The following ARHGAP28 variants were observed in gnomAD, a reference collection of about 807,000 sequenced individuals.
ARHGAP28 encodes the protein Rho GTPase activating protein 28.
In ARHGAP28, 56 loss-of-function variants were observed where a neutral mutation model predicts 90.7. The observed-to-expected ratio is 0.62, with a 90% CI of 0.50 to 0.77. ARHGAP28 has a LOEUF of 0.77. Ranked by LOEUF, ARHGAP28 falls within the 30% of genes least tolerant of loss-of-function variation. The pLI is 0.00. For missense variants in ARHGAP28, 869 were observed against 900.9 expected (o/e 0.96, Z 0.45); for synonymous variants, 308 against 323.3 (o/e 0.95, Z 0.51).
intron 1 of ARHGAP28, among the ~76,000 whole-genome samples, chr18:6,735,921 C>T (rs570620333): frequency 2.5e-4 from 38 of 152,186 alleles, no homozygotes; most frequent in South Asian, 1.2e-3. Context: ...CATCATACAG[C>T]GGGTATGCGA....
In ARHGAP28 at chr18:6,815,835, A is replaced by G. The variant is rs568194371; in HGVS notation, c.123-8927A>G. Among the ~76,000 whole-genome samples the G allele has an allele frequency of 2.2e-4, 33 of 151,656 alleles. 1 individual carries two copies. In the East Asian group the frequency reaches 3.9e-3, roughly 18 times the overall value. ...TCATTCTTCCATTGCCACCGTTCCC[A>G]TTACTTGCATAGTGCTGTACTCAGA... is the stretch of plus-strand genomic sequence containing the variant. On this transcript the variant is annotated intron_variant, in intron 1 of 17. Coordinates refer to ENST00000383472, the MANE Select transcript of ARHGAP28 (RefSeq NM_001366230.1).
chr18:6,788,347 A>G (rs1260271767), intron 1 of ARHGAP28: 1 of 154,352 alleles, frequency 6.5e-6, no homozygotes, highest in Non-Finnish European at 1.4e-5. Context: ...AGATGCCAGC[A>G]TCATGCTTCC....
intron 14 of ARHGAP28, among the ~76,000 whole-genome samples, chr18:6,891,783 G>T (rs895191273): frequency 6.6e-6 from 1 of 152,080 alleles, no homozygotes; most frequent in Admixed American, 6.6e-5. Context: ...GTAGAGATGG[G>T]GGTCTTGCTG....
intron 1 of ARHGAP28, among the ~76,000 whole-genome samples, chr18:6,757,515 T>C (rs935550139): frequency 1.3e-5 from 2 of 152,190 alleles, no homozygotes; most frequent in African/African-American, 4.8e-5. Flanking sequence ...TTACAGTCAT[T>C]ATGATGTTAC....
At chr18:6,879,156 A>T (rs2057157367) in intron 10 of ARHGAP28, among the ~76,000 whole-genome samples, 1 of 152,196 alleles carries the variant, frequency 6.6e-6, no homozygotes, top group Non-Finnish European at 1.5e-5. Context: ...ATTTGGAACC[A>T]ATTTAATGCT....
chr18:6,898,415 C>A (rs1453059730), intron 16 of ARHGAP28: 8 of 1,259,624 alleles, frequency 6.4e-6, no homozygotes, highest in Non-Finnish European at 9.3e-6. Flanking sequence ...ACACATTAAC[C>A]CGTTTTCCAC....
At chr18:6,814,989 A>G (rs888171854) in intron 1 of ARHGAP28, among the ~76,000 whole-genome samples, 6 of 152,146 alleles carry the variant, frequency 3.9e-5, no homozygotes, top group Non-Finnish European at 7.4e-5. Context: ...CCCTAATTGG[A>G]TAAAAAATAT....
chr18:6,730,221 G>GTATACATATATATATATATATATATA (rs1555621923), intron 1 of ARHGAP28: 1 of 172,214 alleles, frequency 5.8e-6, no homozygotes. Context: ...TAAGTCATGT[G>GTATACATATATATATATATATATATA]TATATATATA....
chr18:6,739,635 T>C (rs940458166), intron 1 of ARHGAP28, among the ~76,000 whole-genome samples: 10 of 141,006 alleles, frequency 7.1e-5, no homozygotes, highest in African/African-American at 2.7e-4. Context: ...ACATTCAAAT[T>C]GACTAAGCTT....
intron 1 of ARHGAP28, among the ~76,000 whole-genome samples, chr18:6,755,633 T>G (rs2056103033): frequency 1.3e-5 from 2 of 152,200 alleles, no homozygotes; most frequent in African/African-American, 4.8e-5. Context: ...AACTGTATAT[T>G]TTATTATTCA....
chr18:6,745,207 C>T (rs1353946415), intron 1 of ARHGAP28, among the ~76,000 whole-genome samples: 1 of 152,058 alleles, frequency 6.6e-6, no homozygotes, highest in Non-Finnish European at 1.5e-5. Flanking sequence ...TTTTGAGTGT[C>T]CTCTGACATG....
chr18:6,896,453 A>T (rs1325330533), intron 15 of ARHGAP28, 49 bp from the exon 16 acceptor site: 6 of 1,605,338 alleles, frequency 3.7e-6, no homozygotes, highest in Non-Finnish European at 5.1e-6. Context: ...CATTGAGCCG[A>T]TATTCATCCT....
rs919900715 is a variant in ARHGAP28 at position 6,913,598 on chromosome 18, C to G, written c.*1444C>G. The stretch of plus-strand genomic sequence containing the variant: ...TCTCAAAACGTGATAATATTTAAGC[C>G]CATTTGTAGAAGAAATCTTGTATAT... On this transcript the variant is annotated 3_prime_UTR_variant, in exon 18 of 18. Coordinates refer to ENST00000383472, the MANE Select transcript of ARHGAP28 (RefSeq NM_001366230.1). 3 of 141,410 alleles carry G rather than the reference C, an allele frequency of 2.1e-5. No individual in the cohort carries two copies. Among genetic ancestry groups the G allele is most frequent in the African/African-American group, 8.0e-5 (3 of 37,710 alleles). 8.8% of individuals were successfully genotyped at this position (141,410 alleles called of 1,614,324 possible). A position where few individuals can be genotyped will look rare whatever the true frequency, so the allele number is the denominator to read the frequency against.
At chr18:6,907,281 A>G (rs1211380253) in intron 16 of ARHGAP28, among the ~76,000 whole-genome samples, 1 of 152,094 alleles carries the variant, frequency 6.6e-6, no homozygotes, top group East Asian at 1.9e-4. Context: ...CAACTGCCGT[A>G]TGACCCAGCA....
intron 1 of ARHGAP28, among the ~76,000 whole-genome samples, chr18:6,766,411 C>G (rs563916353): frequency 3.3e-5 from 5 of 152,264 alleles, no homozygotes; most frequent in African/African-American, 1.2e-4. Context: ...AGTTGTGCTG[C>G]TGAGACCTCC....
chr18:6,796,016 C>CTT, intron 1 of ARHGAP28, among the ~76,000 whole-genome samples: 1 of 152,228 alleles, frequency 6.6e-6, no homozygotes, highest in Non-Finnish European at 1.5e-5. Context: ...GCTTCTCCTG[C>CTT]CTTTGAGCAA....
chr18:6,748,877 T>C (rs951931556), intron 1 of ARHGAP28, among the ~76,000 whole-genome samples: 13 of 152,236 alleles, frequency 8.5e-5, no homozygotes, highest in African/African-American at 3.1e-4. Context: ...GTGTTTCTAG[T>C]GCCTTCCTTG....
At chr18:6,749,943 G>A (rs2056055567) in intron 1 of ARHGAP28, among the ~76,000 whole-genome samples, 1 of 152,012 alleles carries the variant, frequency 6.6e-6, no homozygotes, top group Non-Finnish European at 1.5e-5. Flanking sequence ...AGGATTCCAA[G>A]AAGGAAAAAG....
intron 4 of ARHGAP28, among the ~76,000 whole-genome samples, chr18:6,853,634 G>C (rs190286370): frequency 6.6e-6 from 1 of 152,090 alleles, no homozygotes; most frequent in South Asian, 2.1e-4. Context: ...CACCATACCC[G>C]GCTAATTTTT....
Sources: gnomAD v4.1 joint callset for allele counts (sites outside exome capture counted in the v4.1 genomes callset) on GRCh38, gnomAD v4.1.1 for gene constraint, MANE v1.5 for transcripts, NCBI Gene and HGNC (gene_info 2026-07-23, HGNC 2026-07-21) for gene names.